The following GLB1 variants were observed in gnomAD, a reference collection of about 807,000 sequenced individuals.
GLB1 encodes galactosidase beta 1.
Under a neutral mutation model 74.0 loss-of-function variants are expected in GLB1, and 56 were observed. The observed-to-expected ratio is 0.76, with a 90% confidence interval of 0.61 to 0.94. The LOEUF is 0.94. Ranked by LOEUF, GLB1 falls within the 40% of genes least tolerant of loss-of-function variation. The pLI, the probability that GLB1 is intolerant of heterozygous loss-of-function variation, is 0.00. For missense variants in GLB1, 787 were observed against 845.5 expected, an observed-to-expected ratio of 0.93 and a Z score of 0.86; for synonymous variants, 323 against 323.6, an observed-to-expected ratio of 1.00 and a Z score of 0.02.
At chr3:33,067,977 C>T (rs1699752908) in intron 4 of GLB1, among the ~76,000 whole-genome samples, 1 of 152,202 alleles carries the variant, frequency 6.6e-6, no homozygotes, top group Non-Finnish European at 1.5e-5. Context: ...CTTCCGCCTC[C>T]AGGGTTCAAG....
the GLB1 span, among the ~76,000 whole-genome samples, chr3:32,978,709 T>G: frequency 6.6e-6 from 1 of 151,568 alleles, no homozygotes; most frequent in African/African-American, 2.4e-5. Flanking sequence ...AAGAAAGAAG[T>G]AGAAGAGAAA....
chr3:32,999,197 T>G (rs1696442111), intron 15 of GLB1, among the ~76,000 whole-genome samples: 1 of 152,238 alleles, frequency 6.6e-6, no homozygotes, highest in African/African-American at 2.4e-5. Context: ...ACTATTTCAC[T>G]CTTGTTTTTA....
intron 10 of GLB1, chr3:33,034,187 G>A (rs977028550): frequency 1.6e-5 from 10 of 632,984 alleles, no homozygotes; most frequent in Non-Finnish European, 2.9e-5. Flanking sequence ...CGTGAACTCT[G>A]TATGCTAGGT....
chr3:33,068,118 C>T (rs1699759710), intron 4 of GLB1, 112 bp downstream of exon 4: 1 of 1,500,008 alleles, frequency 6.7e-7, no homozygotes, highest in African/African-American at 1.4e-5. Context: ...AACTCCCAAC[C>T]TCAGGTAATC....
intron 1 of GLB1, chr3:33,092,180 G>A: frequency 4.1e-6 from 4 of 985,718 alleles, no homozygotes; most frequent in Non-Finnish European, 4.8e-6. Flanking sequence ...TGCCCCCAAA[G>A]GCCCAGGAGC....
the GLB1 span, among the ~76,000 whole-genome samples, chr3:32,963,996 G>C: frequency 6.6e-6 from 1 of 152,184 alleles, no homozygotes; most frequent in African/African-American, 2.4e-5. Context: ...TGTAACACCT[G>C]CCCACAGAGA....
intron 5 of GLB1, among the ~76,000 whole-genome samples, chr3:33,064,712 G>C (rs1423982294): frequency 7.3e-6 from 1 of 137,732 alleles, no homozygotes; most frequent in Non-Finnish European, 1.5e-5. Context: ...AGAAGGCAGA[G>C]GTTGCAGTAA....
chr3:33,022,564 A>ATTTTTTT lies in GLB1; in HGVS notation c.1144-916_1144-910dup, dbSNP rs61013692. ...TTCCATGACTATAATACTGGTTAGG[A>ATTTTTTT]TTTTTTTTTTTTTTTTTTTGAGAGA... On this transcript the variant is annotated intron_variant, in intron 11 of 15. Coordinates refer to ENST00000307363, the MANE Select transcript of GLB1 (RefSeq NM_000404.4). Among the ~76,000 whole-genome samples, 21 of 63,766 alleles carry ATTTTTTT rather than the reference A, an allele frequency of 3.3e-4. 5 individuals are homozygous for ATTTTTTT. Among genetic ancestry groups the ATTTTTTT allele is most frequent in the African/African-American group, 4.1e-4 (8 of 19,682 alleles). The allele number at this position is 63,766 out of a possible 152,430, so 41.8% of individuals were successfully genotyped here.
chr3:33,009,528 T>TA (rs74625501), intron 15 of GLB1, among the ~76,000 whole-genome samples: 14 of 150,604 alleles, frequency 9.3e-5, no homozygotes, highest in Middle Eastern at 3.4e-3. Flanking sequence ...CTCAAAAAAA[T>TA]AAAAAAAAAG....
chr3:33,034,267 A>C (rs1698179361), intron 10 of GLB1: 1 of 694,608 alleles, frequency 1.4e-6, no homozygotes, highest in Admixed American at 2.0e-5. Flanking sequence ...TGACTTATAC[A>C]GGGGAAGGCC....
chr3:33,056,319 T>C (rs1385299062), intron 6 of GLB1, among the ~76,000 whole-genome samples: 3 of 150,384 alleles, frequency 2.0e-5, no homozygotes, highest in Admixed American at 6.6e-5. Flanking sequence ...GAGGCAAACA[T>C]TGGCTGTGCA....
chr3:33,067,002 CTTTT>C (rs63579460), intron 4 of GLB1, among the ~76,000 whole-genome samples: 3 of 135,472 alleles, frequency 2.2e-5, no homozygotes, highest in Non-Finnish European at 3.1e-5. Flanking sequence ...GTTTTTATTT[CTTTT>C]TTTTTTTTTT....
chr3:33,048,151 A>AG (rs1409145971), intron 9 of GLB1, among the ~76,000 whole-genome samples: 1 of 152,022 alleles, frequency 6.6e-6, no homozygotes, highest in African/African-American at 2.4e-5. Flanking sequence ...CCCAGCATGG[A>AG]GGGGGTTGCC....
chr3:33,092,198 G>T, intron 1 of GLB1: 1 of 985,856 alleles, frequency 1.0e-6, no homozygotes, highest in Non-Finnish European at 1.2e-6. Flanking sequence ...AGCACAGACA[G>T]TTAAATAGCA....
intron 10 of GLB1, chr3:33,030,464 C>T (rs1483315646): frequency 1.0e-6 from 1 of 978,922 alleles, no homozygotes; most frequent in Non-Finnish European, 1.2e-6. Context: ...CCTTTCTCAT[C>T]TGTAACCATC....
chr3:33,066,887 G>GAA (rs1355526866), intron 4 of GLB1, among the ~76,000 whole-genome samples: 1 of 151,148 alleles, frequency 6.6e-6, no homozygotes, highest in African/African-American at 2.4e-5. Flanking sequence ...GTAAGACAAA[G>GAA]AAAAAAACTA....
chr3:33,094,171 G>C (rs1180040367), intron 1 of GLB1: 1 of 1,607,122 alleles, frequency 6.2e-7, no homozygotes, highest in East Asian at 2.2e-5. Context: ...TTCGCGCCTA[G>C]GGACAGCTGC....
chr3:32,971,147 C>G, the GLB1 span, among the ~76,000 whole-genome samples: 1 of 152,262 alleles, frequency 6.6e-6, no homozygotes, highest in Non-Finnish European at 1.5e-5. Context: ...TCAGGAAGGA[C>G]TGCTCTACTA....
intron 4 of GLB1, among the ~76,000 whole-genome samples, chr3:33,065,765 C>G (rs985679719): frequency 7.2e-5 from 11 of 152,110 alleles, no homozygotes; most frequent in African/African-American, 1.4e-4. Flanking sequence ...GTCGGGAGTT[C>G]GAGACCAGCC....
Sources: gnomAD v4.1 joint callset for allele counts (sites outside exome capture counted in the v4.1 genomes callset) on GRCh38, gnomAD v4.1.1 for gene constraint, MANE v1.5 for transcripts, NCBI Gene and HGNC (gene_info 2026-07-23, HGNC 2026-07-21) for gene names.